The following IRF2 variants were observed in gnomAD, a reference collection of about 807,000 sequenced individuals.
The protein encoded by IRF2 is interferon regulatory factor 2.
Under a neutral mutation model 40.6 loss-of-function variants are expected in IRF2, and 15 were observed. That is an observed-to-expected ratio of 0.37 (90% CI 0.25 to 0.57). The LOEUF (loss-of-function observed/expected upper bound fraction) is 0.57, where lower values mean the gene tolerates loss of function less well. Ranked by LOEUF, IRF2 falls within the 20% of genes least tolerant of loss-of-function variation. The pLI is 0.77. For synonymous variants in IRF2, 151 were observed against 165.5 expected, an observed-to-expected ratio of 0.91 and a Z score of 0.67; for missense variants, 317 against 455.7, an observed-to-expected ratio of 0.70 and a Z score of 2.77.
chr4:184,432,657 G>C (rs919709745), intron 1 of IRF2, among the ~76,000 whole-genome samples: 3 of 152,220 alleles, frequency 2.0e-5, no homozygotes, highest in Admixed American at 1.3e-4. Context: ...GTGACCAGTA[G>C]CTCGCAGGAA....
intron 1 of IRF2, among the ~76,000 whole-genome samples, chr4:184,464,025 G>A (rs1298066398): frequency 2.6e-5 from 4 of 152,196 alleles, no homozygotes; most frequent in African/African-American, 7.2e-5. Flanking sequence ...GAATGCATAT[G>A]ATGCGAAGAT....
At chr4:184,426,910 T>G (rs1312090669) in intron 2 of IRF2, among the ~76,000 whole-genome samples, 4 of 152,226 alleles carry the variant, frequency 2.6e-5, no homozygotes, top group Non-Finnish European at 4.4e-5. Flanking sequence ...CTCTGTGCCT[T>G]GGTTTCCTTG....
At chr4:184,390,868 T>G in intron 7 of IRF2, 119 bp from the exon 8 acceptor site, 1 of 972,058 alleles carries the variant, frequency 1.0e-6, no homozygotes, top group South Asian at 1.4e-5. Flanking sequence ...CCTCCCTTTG[T>G]AAAGCGAAAC....
rs1736834214 is a variant in IRF2 at position 184,405,830 on chromosome 4, G to A, written c.529+2328C>T. Among the ~76,000 whole-genome samples the A allele has an allele frequency of 3.3e-5, 5 of 152,116 alleles. No homozygotes were observed. In the South Asian group the frequency reaches 1.0e-3, roughly 32 times the overall value. On this transcript the variant is annotated intron_variant, in intron 6 of 8. Coordinates refer to ENST00000393593, the MANE Select transcript of IRF2 (RefSeq NM_002199.4). ...TATATAGCCTCACACAAAGATGACA[G>A]CTTTCTTGAGTAAATAAAAACTTCT...
rs556820657 is a variant in IRF2, at chr4:184,443,604, C to T, written c.-6-14534G>A. On this transcript the variant is annotated intron_variant, in intron 1 of 8. Transcript: ENST00000393593. Reference sequence around the variant, plus strand: ...GTATATATACCATATTTTCTTTATCCGGTCCACTGCTGATGAGGACCTAGG... The same window carrying T: ...GTATATATACCATATTTTCTTTATCTGGTCCACTGCTGATGAGGACCTAGG... Among the ~76,000 whole-genome samples, 15 of 147,362 alleles carry T rather than the reference C, an allele frequency of 1.0e-4. No homozygotes were observed. The East Asian group carries it at 1.5e-3, about 15-fold the overall frequency.
intron 7 of IRF2, among the ~76,000 whole-genome samples, chr4:184,393,933 T>G (rs1736351622): frequency 6.6e-6 from 1 of 152,216 alleles, no homozygotes; most frequent in Non-Finnish European, 1.5e-5. Flanking sequence ...CCACGCTGAC[T>G]TCTTACACAA....
At chr4:184,445,214 C>T (rs1444410738) in intron 1 of IRF2, among the ~76,000 whole-genome samples, 1 of 152,212 alleles carries the variant, frequency 6.6e-6, no homozygotes, top group Non-Finnish European at 1.5e-5. Flanking sequence ...TGCCCCAACC[C>T]CGGGTTGGCA....
chr4:184,445,293 C>T (rs527845839), intron 1 of IRF2, among the ~76,000 whole-genome samples: 6 of 152,208 alleles, frequency 3.9e-5, no homozygotes, highest in African/African-American at 1.4e-4. Flanking sequence ...CCTGTGCTCA[C>T]TCTTAAGTCC....
At chr4:184,434,243 G>A (rs1737995988) in intron 1 of IRF2, among the ~76,000 whole-genome samples, 1 of 152,218 alleles carries the variant, frequency 6.6e-6, no homozygotes, top group African/African-American at 2.4e-5. Context: ...AAAATGCACA[G>A]AAATCAGGAC....
chr4:184,396,415 CA>C (rs1207420155), intron 7 of IRF2, among the ~76,000 whole-genome samples: 7 of 147,744 alleles, frequency 4.7e-5, no homozygotes, highest in African/African-American at 1.8e-4. Flanking sequence ...GCCGCAGATC[CA>C]TATATATATA....
chr4:184,432,216 T>G (rs1303725457), intron 1 of IRF2, among the ~76,000 whole-genome samples: 1 of 152,192 alleles, frequency 6.6e-6, no homozygotes, highest in Non-Finnish European at 1.5e-5. Flanking sequence ...AACCCCCAAA[T>G]CAATACTCAG....
chr4:184,398,823 G>A (rs998734841), intron 7 of IRF2, 92 bp downstream of exon 7: 11 of 1,146,424 alleles, frequency 9.6e-6, no homozygotes, highest in African/African-American at 1.6e-5. Context: ...ACAGAGGAGG[G>A]ATGCTCCGTG....
chr4:184,407,247 A>T (rs1471855314), intron 6 of IRF2: 1 of 1,287,660 alleles, frequency 7.8e-7, no homozygotes, highest in Non-Finnish European at 1.0e-6. Flanking sequence ...CGTTTCCCAA[A>T]AACAGAAGTC....
intron 1 of IRF2, among the ~76,000 whole-genome samples, chr4:184,454,571 G>A (rs912180868): frequency 1.3e-5 from 2 of 152,152 alleles, no homozygotes; most frequent in Non-Finnish European, 2.9e-5. Context: ...ACCAGTTTCC[G>A]AATGGTAGCC....
Position 184,388,624 on chromosome 4 carries a change from A to G in IRF2, c.*134T>C. The stretch of plus-strand genomic sequence containing the variant: ...CTCCAGTACTGGAGTTGGACACAGC[A>G]ATCAATGTTCTATTGTCAAGGCTTT... On this transcript the variant is annotated 3_prime_UTR_variant, in exon 9 of 9. Transcript: ENST00000393593. This position sits in a 1 kb window ranked among gnomAD's most constrained non-coding sequence, Gnocchi z 4.6. The G allele has an allele frequency of 3.4e-6, 3 of 890,242 alleles. No homozygotes were observed. Among genetic ancestry groups the G allele is most frequent in the Non-Finnish European group, 5.2e-6 (3 of 576,480 alleles). The allele number at this position is 890,242 out of a possible 1,614,324, so 55.1% of individuals were successfully genotyped here.
intron 7 of IRF2, among the ~76,000 whole-genome samples, chr4:184,396,152 G>C (rs2149892076): frequency 6.6e-6 from 1 of 152,356 alleles, no homozygotes; most frequent in Non-Finnish European, 1.5e-5. Flanking sequence ...AAGTGGCTGA[G>C]TGTTTCACGC....
chr4:184,424,177 T>C (rs185105913), intron 2 of IRF2, among the ~76,000 whole-genome samples: 1 of 152,318 alleles, frequency 6.6e-6, no homozygotes, highest in East Asian at 1.9e-4. Flanking sequence ...AAACATGCTA[T>C]GCACATTTGC....
At chr4:184,417,999 T>A (rs564243701) in intron 5 of IRF2, among the ~76,000 whole-genome samples, 168 bp downstream of exon 5, 1 of 152,248 alleles carries the variant, frequency 6.6e-6, no homozygotes, top group Admixed American at 6.5e-5. Flanking sequence ...TGTACCTCCA[T>A]GTCTGCAAGT....
Position 184,389,506 on chromosome 4 carries a change from G to C in IRF2, c.742-440C>G, listed in dbSNP as rs540860355. Among the ~76,000 whole-genome samples, 5 of 152,344 alleles carry C rather than the reference G, an allele frequency of 3.3e-5. No homozygotes were observed. The East Asian group carries it at 9.6e-4, about 29-fold the overall frequency. Reference sequence around the variant, plus strand: ...TTAGCTGAGTTTCTTAAGAACTGCAGAATGAACAAAGGCTTAGCACCTCTA... The same window carrying C: ...TTAGCTGAGTTTCTTAAGAACTGCACAATGAACAAAGGCTTAGCACCTCTA... On this transcript the variant is annotated intron_variant, in intron 8 of 8. Coordinates refer to ENST00000393593, the MANE Select transcript of IRF2 (RefSeq NM_002199.4).
Sources: allele counts gnomAD v4.1 joint callset (sites outside exome capture counted in the v4.1 genomes callset), GRCh38; gene constraint gnomAD v4.1.1; non-coding constraint Gnocchi (gnomAD v3.1); transcripts MANE v1.5; gene names NCBI Gene and HGNC (gene_info 2026-07-23, HGNC 2026-07-21).